The following MTMR9 variants were observed in gnomAD, a reference collection of about 807,000 sequenced individuals.
The protein encoded by MTMR9 is myotubularin related protein 9.
Under a neutral mutation model 69.5 loss-of-function variants are expected in MTMR9, and 39 were observed. The ratio of observed to expected loss-of-function variants is 0.56; its 90% CI spans 0.43 to 0.73. The LOEUF (loss-of-function observed/expected upper bound fraction) is 0.73. Ranked by LOEUF, MTMR9 falls within the 30% of genes least tolerant of loss-of-function variation. The probability of loss-of-function intolerance (pLI) is 0.00; values close to 1 mark genes in which losing one functional copy is unlikely to be tolerated. For synonymous variants in MTMR9, 354 were observed against 240.8 expected (o/e 1.47, Z -4.35); for missense variants, 900 against 671.2 (o/e 1.34, Z -3.77).
intron 7 of MTMR9, among the ~76,000 whole-genome samples, chr8:11,315,603 T>C (rs1800383999): frequency 6.6e-6 from 1 of 152,372 alleles, no homozygotes; most frequent in East Asian, 1.9e-4. Flanking sequence ...TGGTAAATAA[T>C]TGTATTTGAA....
At chr8:11,314,805 T>C in intron 6 of MTMR9, 118 bp from the exon 7 acceptor site, 1 of 912,700 alleles carries the variant, frequency 1.1e-6, no homozygotes, top group Non-Finnish European at 1.7e-6. Context: ...CTCAATACAC[T>C]AAATAAACTG....
chr8:11,324,865 GA>G lies in MTMR9; in HGVS notation c.*2082del. ...GAGCGAGACCCTGTGTCTAAGTAAA[GA>G]AAAAGCCAGAAGTGACTCCCACTGC... On this transcript the variant is annotated 3_prime_UTR_variant, in exon 10 of 10. Coordinates refer to ENST00000221086, the MANE Select transcript of MTMR9 (RefSeq NM_015458.4). 1 of 152,410 alleles carries G rather than the reference GA, an allele frequency of 6.6e-6. No homozygotes were observed. Among genetic ancestry groups the G allele is most frequent in the Non-Finnish European group, 1.5e-5 (1 of 68,158 alleles). 9.4% of individuals were successfully genotyped at this position (152,410 alleles called of 1,614,324 possible). A position where few individuals can be genotyped will look rare whatever the true frequency, so the allele number is the denominator to read the frequency against.
chr8:11,334,058 A>G, the MTMR9 span, among the ~76,000 whole-genome samples: 1 of 152,136 alleles, frequency 6.6e-6, no homozygotes, highest in Non-Finnish European at 1.5e-5. Context: ...TTGTCCTTCC[A>G]CCTTTTGCCA....
chr8:11,304,862 T>C lies in MTMR9; in HGVS notation c.439T>C (p.Tyr147His). ...TCAGACCAGTGAATGGAGGCTAAGCTATGTCAATAAGGAATTTGCTGTCTG... is the reference window on the plus strand; with the variant it reads ...TCAGACCAGTGAATGGAGGCTAAGCCATGTCAATAAGGAATTTGCTGTCTG... ...SSATSEWRLS[Y>H]VNKEFAVCPS... The change falls in exon 4 of 10, where the codon TAT becomes CAT. Residue 147 changes from tyrosine to histidine, a missense_variant. Tyr to His is a moderately conservative substitution (Grantham distance 83). Coordinates refer to ENST00000221086, the MANE Select transcript of MTMR9 (RefSeq NM_015458.4). 1 of 1,614,068 alleles carries C rather than the reference T, an allele frequency of 6.2e-7. No homozygotes were observed.
intron 6 of MTMR9, among the ~76,000 whole-genome samples, chr8:11,314,434 C>G (rs1800328126): frequency 6.6e-6 from 1 of 151,950 alleles, no homozygotes; most frequent in African/African-American, 2.4e-5. Context: ...GTCTCATTTT[C>G]CAGATTGAAT....
rs1485584537 is a variant in MTMR9 at position 11,327,873 on chromosome 8, C to A, written c.*5085C>A. The stretch of plus-strand genomic sequence containing the variant: ...AAAAAAAAGCAGAACTTTTGTAAGT[C>A]TGTGTAACATTTTAATATTGTTTGT... On this transcript the variant is annotated 3_prime_UTR_variant, in exon 10 of 10. Transcript: ENST00000221086. 4 of 152,518 alleles carry A rather than the reference C, an allele frequency of 2.6e-5. No individual in the cohort carries two copies. Among genetic ancestry groups the A allele is most frequent in the African/African-American group, 9.7e-5 (4 of 41,424 alleles). 9.4% of individuals were successfully genotyped at this position (152,518 alleles called of 1,614,324 possible).
chr8:11,291,561 A>G (rs1035275696), intron 1 of MTMR9, among the ~76,000 whole-genome samples: 4 of 152,098 alleles, frequency 2.6e-5, no homozygotes, highest in Admixed American at 2.0e-4. Flanking sequence ...CCACTGTTCT[A>G]TAAGTAACTG....
At position 11,304,925 on chromosome 8, in the gene MTMR9, A is replaced by C. The variant is rs780065063; in HGVS notation, c.502A>C (p.Ile168Leu). The change falls in exon 4 of 10, where the codon ATC (isoleucine) becomes CTC (leucine). Residue 168 changes from isoleucine to leucine, a missense_variant. By Grantham distance (5) the Ile-to-Leu change is conservative. Coordinates refer to ENST00000221086, the MANE Select transcript of MTMR9 (RefSeq NM_015458.4). ...YPPIVTVPKSIDDEALRKVAT... is the reference protein window; with the variant it reads ...YPPIVTVPKSLDDEALRKVAT... ...ACCAATTGTCACAGTGCCCAAATCCATCGATGATGAAGCTCTTCGGAAGGT... is the reference window on the plus strand; with the variant it reads ...ACCAATTGTCACAGTGCCCAAATCCCTCGATGATGAAGCTCTTCGGAAGGT... The C allele has an allele frequency of 6.2e-7, 1 of 1,614,004 alleles. No individual in the cohort carries two copies. Among genetic ancestry groups the C allele is most frequent in the African/African-American group, 1.3e-5 (1 of 74,924 alleles).
chr8:11,332,293 A>G, downstream of MTMR9: 1 of 1,151,048 alleles, frequency 8.7e-7, no homozygotes, highest in South Asian at 2.1e-5. Flanking sequence ...TATAATAAAA[A>G]TATCACAAAG....
chr8:11,306,142 A>C, intron 4 of MTMR9, 48 bp from the exon 5 acceptor site: 1 of 1,542,044 alleles, frequency 6.5e-7, no homozygotes, highest in Non-Finnish European at 8.9e-7. Flanking sequence ...GTTTTCAGAA[A>C]CTTTAAAAGC....
the MTMR9 span, among the ~76,000 whole-genome samples, chr8:11,338,466 A>C: frequency 6.6e-6 from 1 of 152,228 alleles, no homozygotes; most frequent in East Asian, 1.9e-4. Flanking sequence ...TGGTGAGGAT[A>C]GAATTTCAGA....
Position 11,323,038 on chromosome 8 carries a change from G to A in MTMR9, c.*250G>A, listed in dbSNP as rs774005110. On this transcript the variant is annotated 3_prime_UTR_variant, in exon 10 of 10. Coordinates refer to ENST00000221086, the MANE Select transcript of MTMR9 (RefSeq NM_015458.4). ...GAGGTGCTAGTCATTTTATTTTTAC[G>A]TGAAATAGATGACCTATTTAATGCC... 3.1e-4 allele frequency: 94 copies of A among 302,254 alleles called. No homozygotes were observed. The highest frequency in any genetic ancestry group is 2.2e-4 in the African/African-American group (10 of 46,052). 18.7% of individuals were successfully genotyped at this position (302,254 alleles called of 1,614,324 possible).
chr8:11,304,780 C>G (rs1466622939), intron 3 of MTMR9, 61 bp from the exon 4 acceptor site: 1 of 1,544,562 alleles, frequency 6.5e-7, no homozygotes, highest in African/African-American at 1.4e-5. Context: ...TTTAAAATTT[C>G]TCAGATTATT....
chr8:11,331,520 C>A, downstream of MTMR9: 3 of 1,613,908 alleles, frequency 1.9e-6, no homozygotes, highest in South Asian at 3.3e-5. Context: ...AAGGTTCTTC[C>A]ACCGTATGCT....
At chr8:11,335,692 A>G in the MTMR9 span, among the ~76,000 whole-genome samples, 1 of 152,166 alleles carries the variant, frequency 6.6e-6, no homozygotes, top group Admixed American at 6.5e-5. Context: ...TTTCTTGCCT[A>G]GCTTCTGGTA....
chr8:11,328,367 G>GTGTGTT (rs1280688395), downstream of MTMR9, among the ~76,000 whole-genome samples: 1 of 150,756 alleles, frequency 6.6e-6, no homozygotes, highest in African/African-American at 2.4e-5. Context: ...GTGTGTGTGT[G>GTGTGTT]TGTGTTTGTT....
chr8:11,288,133 T>G (rs1799248083), intron 1 of MTMR9, among the ~76,000 whole-genome samples: 1 of 133,438 alleles, frequency 7.5e-6, no homozygotes, highest in Non-Finnish European at 1.6e-5. Flanking sequence ...TTCACCTAAA[T>G]ATTCACCTAA....
At chr8:11,329,607 C>T (rs915235288), downstream of MTMR9, among the ~76,000 whole-genome samples, 8 of 152,262 alleles carry the variant, frequency 5.3e-5, no homozygotes, top group Non-Finnish European at 1.0e-4. Context: ...GAGTCTGGTT[C>T]ACTCAGTGCT....
intron 5 of MTMR9, among the ~76,000 whole-genome samples, chr8:11,307,303 C>G (rs1047625862): frequency 6.6e-6 from 1 of 152,164 alleles, no homozygotes; most frequent in Non-Finnish European, 1.5e-5. Flanking sequence ...AACTCCTGAC[C>G]TCAAGTGATC....
Sources: allele counts gnomAD v4.1 joint callset (sites outside exome capture counted in the v4.1 genomes callset), GRCh38; gene constraint gnomAD v4.1.1; transcripts MANE v1.5; gene names NCBI Gene and HGNC (gene_info 2026-07-23, HGNC 2026-07-21).